Variants in PCDHGB2 observed in about 807,000 individuals in gnomAD.
PCDHGB2 encodes the protein protocadherin gamma subfamily B, 2.
PCDHGB2 carries 55 observed loss-of-function variants against 59.3 expected under a neutral mutation model. The ratio of observed to expected loss-of-function variants is 0.93; its 90% CI spans 0.75 to 1.16. The LOEUF is 1.16. Among genes scored for constraint, PCDHGB2 ranks in the 50% most tolerant of loss-of-function variants. The pLI is 0.00. For synonymous variants in PCDHGB2, 516 were observed against 512.0 expected (o/e 1.01, Z -0.11); for missense variants, 1,228 against 1,198.5 (o/e 1.02, Z -0.36).
rs2099427641 is a variant in PCDHGB2, at chr5:141,477,974, G to T, written c.2422-16833G>T. The T allele has an allele frequency of 1.2e-6, 2 of 1,614,034 alleles. No homozygotes were observed. The highest frequency in any genetic ancestry group is 1.6e-4 in the Middle Eastern group (1 of 6,062). On this transcript the variant is annotated intron_variant, in intron 1 of 3. Transcript: ENST00000522605. This position sits in a 1 kb window ranked among gnomAD's most constrained non-coding sequence, Gnocchi z 4.9. ...GGGATCCCCTAACCAGAGCCTTTTT[G>T]CCATAGGGCTGCACACTGGTCAAAT...
At chr5:141,372,583 G>A (rs1768892423) in intron 1 of PCDHGB2, 2 of 1,613,908 alleles carry the variant, frequency 1.2e-6, no homozygotes, top group Admixed American at 1.7e-5. Flanking sequence ...TTTCAGCCTG[G>A]TGTCTGCTTC....
chr5:141,480,710 T>C (rs1174000425), intron 1 of PCDHGB2, among the ~76,000 whole-genome samples: 1 of 152,042 alleles, frequency 6.6e-6, no homozygotes, highest in East Asian at 1.9e-4. Context: ...CCCCGACAAA[T>C]GAAAGCACAG....
rs1457765340 is a variant in PCDHGB2 at position 141,491,122 on chromosome 5, G to GT, written c.2422-3684dup. 1 of 1,614,058 alleles carries GT rather than the reference G, an allele frequency of 6.2e-7. No homozygotes were observed. Among genetic ancestry groups the GT allele is most frequent in the Non-Finnish European group, 8.5e-7 (1 of 1,180,036 alleles). Reference sequence around the variant, plus strand: ...CCTCGTGTCTACACACACTGGTGAGGTGCGCACAGCCCGGGCCTTACTGGA... The same window carrying GT: ...CCTCGTGTCTACACACACTGGTGAGGTTGCGCACAGCCCGGGCCTTACTGGA... On this transcript the variant is annotated intron_variant, in intron 1 of 3. Coordinates refer to ENST00000522605, the MANE Select transcript of PCDHGB2 (RefSeq NM_018923.3). The surrounding 1 kb of genome is among the most constrained non-coding windows in gnomAD (Gnocchi z 6.9).
chr5:141,398,660 T>C, intron 1 of PCDHGB2: 2 of 1,614,038 alleles, frequency 1.2e-6, no homozygotes, highest in Non-Finnish European at 1.7e-6. Context: ...AACCCAAGTT[T>C]CTCATTAATA....
chr5:141,507,601 A>G (rs2099861935), intron 3 of PCDHGB2, among the ~76,000 whole-genome samples: 1 of 152,254 alleles, frequency 6.6e-6, no homozygotes, highest in South Asian at 2.1e-4. Flanking sequence ...TGAGGGAAAT[A>G]AACAGGTATA....
intron 1 of PCDHGB2, chr5:141,375,574 G>A: frequency 6.2e-7 from 1 of 1,614,058 alleles, no homozygotes; most frequent in African/African-American, 1.3e-5. Context: ...ACACCCTCCA[G>A]GGGGCGCCCC....
At chr5:141,403,588 C>T in intron 1 of PCDHGB2, 1 of 1,613,904 alleles carries the variant, frequency 6.2e-7, no homozygotes, top group South Asian at 1.1e-5. Flanking sequence ...ACCTGGTCCT[C>T]ACGGCCTCGG....
At chr5:141,388,112 C>T (rs1399745232) in intron 1 of PCDHGB2, 1 of 1,408,080 alleles carries the variant, frequency 7.1e-7, no homozygotes, top group South Asian at 1.2e-5. Flanking sequence ...CTTACTTCAC[C>T]GTGAGCGCAG....
chr5:141,448,152 C>T (rs1463599948), intron 1 of PCDHGB2, among the ~76,000 whole-genome samples: 1 of 151,984 alleles, frequency 6.6e-6, no homozygotes, highest in African/African-American at 2.4e-5. Flanking sequence ...CAGACTCACC[C>T]CTGAAAGATC....
At chr5:141,421,781 G>A (rs1482347889) in intron 1 of PCDHGB2, 1 of 1,613,856 alleles carries the variant, frequency 6.2e-7, no homozygotes, top group Non-Finnish European at 8.5e-7. Context: ...CAACTGCGGG[G>A]CAGAACGGAT....
intron 1 of PCDHGB2, chr5:141,393,184 T>C: frequency 6.2e-7 from 1 of 1,613,344 alleles, no homozygotes; most frequent in Non-Finnish European, 8.5e-7. Context: ...ATAGAAATAA[T>C]TGATATTAAC....
At chr5:141,428,552 T>TC in intron 1 of PCDHGB2, 2 of 244,422 alleles carry the variant, frequency 8.2e-6, no homozygotes, top group African/African-American at 2.2e-5. Context: ...CCAGAAACAG[T>TC]CCCCCCACAA....
intron 1 of PCDHGB2, chr5:141,395,489 A>T: frequency 4.2e-6 from 2 of 480,562 alleles, no homozygotes; most frequent in Non-Finnish European, 3.6e-6. Flanking sequence ...TCCTATTATC[A>T]CTCATTCACT....
chr5:141,409,273 G>A, intron 1 of PCDHGB2: 1 of 1,613,958 alleles, frequency 6.2e-7, no homozygotes, highest in South Asian at 1.1e-5. Context: ...ATCAGATTTT[G>A]GAGAATTCAC....
intron 2 of PCDHGB2, among the ~76,000 whole-genome samples, chr5:141,503,269 C>A (rs1161751693): frequency 6.6e-6 from 1 of 152,116 alleles, no homozygotes; most frequent in Non-Finnish European, 1.5e-5. Context: ...ACCCCAGCAC[C>A]TGGCTCTGTG....
chr5:141,477,611 C>T lies in PCDHGB2; in HGVS notation c.2422-17196C>T. On this transcript the variant is annotated intron_variant, in intron 1 of 3. Coordinates refer to ENST00000522605, the MANE Select transcript of PCDHGB2 (RefSeq NM_018923.3). This position sits in a 1 kb window ranked among gnomAD's most constrained non-coding sequence, Gnocchi z 4.9. ...TCGGCTTTCTTTCTTTCTCTTGGAG[C>T]AAGGAGCTGAAACCGGGCTAGTGGG... is the stretch of plus-strand genomic sequence containing the variant. The T allele has an allele frequency of 6.2e-7, 1 of 1,614,188 alleles. No homozygotes were observed. The highest frequency in any genetic ancestry group is 8.5e-7 in the Non-Finnish European group (1 of 1,180,036).
In PCDHGB2 at chr5:141,487,579, A is replaced by G. The variant is rs779441421; in HGVS notation, c.2422-7228A>G. 60 of 1,614,022 alleles carry G rather than the reference A, an allele frequency of 3.7e-5. No homozygotes were observed. The South Asian group carries it at 6.0e-4, about 16-fold the overall frequency. The stretch of plus-strand genomic sequence containing the variant: ...CTATGGCAGGGGAGCCTGTTCGCCC[A>G]AGCTGCCCACCCTCTGATCTTCTCT... On this transcript the variant is annotated intron_variant, in intron 1 of 3. Transcript: ENST00000522605. This position sits in a 1 kb window ranked among gnomAD's most constrained non-coding sequence, Gnocchi z 5.0.
chr5:141,404,600 CTGTT>C (rs901473063), intron 1 of PCDHGB2: 9 of 1,613,938 alleles, frequency 5.6e-6, no homozygotes, highest in East Asian at 2.2e-5. Flanking sequence ...GTCATTGAGA[CTGTT>C]TGTTTTGGAC....
intron 1 of PCDHGB2, chr5:141,399,984 A>C (rs1310810422): frequency 1.2e-6 from 2 of 1,612,296 alleles, no homozygotes; most frequent in Non-Finnish European, 8.5e-7. Context: ...GGCTGCGCAC[A>C]GGAGAGGTGC....
Sources: allele counts gnomAD v4.1 joint callset (sites outside exome capture counted in the v4.1 genomes callset), GRCh38; gene constraint gnomAD v4.1.1; non-coding constraint Gnocchi (gnomAD v3.1); transcripts MANE v1.5; gene names NCBI Gene and HGNC (gene_info 2026-07-23, HGNC 2026-07-21).